EBF2: variants seen among roughly 807,000 people sequenced by gnomAD.
EBF2 encodes the protein transcription factor COE2.
In EBF2, 21 loss-of-function variants were observed where a neutral mutation model predicts 72.8. That is an observed-to-expected ratio of 0.29 (90% confidence interval 0.20 to 0.42). EBF2 has a LOEUF of 0.42. EBF2 is among the 10% of genes least tolerant of loss of function. EBF2 has a pLI of 1.00. For synonymous variants in EBF2, 299 were observed against 274.2 expected, an observed-to-expected ratio of 1.09 and a Z score of -0.89; for missense variants, 637 against 731.2, an observed-to-expected ratio of 0.87 and a Z score of 1.49.
intron 8 of EBF2, among the ~76,000 whole-genome samples, chr8:25,888,871 T>A (rs1202438068): frequency 6.6e-6 from 1 of 152,132 alleles, no homozygotes; most frequent in Non-Finnish European, 1.5e-5. Context: ...TCACATCCAA[T>A]CAGTCAAAAG....
intron 6 of EBF2, among the ~76,000 whole-genome samples, chr8:25,981,840 T>G (rs186481546): frequency 7.3e-5 from 11 of 151,220 alleles, no homozygotes; most frequent in African/African-American, 2.4e-4. Context: ...AGCAAAACAG[T>G]ATATGGAATA....
At position 26,030,887 on chromosome 8, in the gene EBF2, T is replaced by C. The variant is rs143396969; in HGVS notation, c.551+2198A>G. 3.3e-4 allele frequency among the ~76,000 whole-genome samples: 51 copies of C among 152,362 alleles called. 1 individual carries two copies. The highest frequency in any genetic ancestry group is 1.6e-3 in the Admixed American group (25 of 15,310). ...GCACAAACTATGAAGGCGCCTAATA[T>C]GAAAATCTTTTCTTTCTATAGACAC... On this transcript the variant is annotated intron_variant, in intron 6 of 15. Coordinates refer to ENST00000520164, the MANE Select transcript of EBF2 (RefSeq NM_022659.4).
chr8:25,879,403 C>G (rs2117282002), intron 10 of EBF2, among the ~76,000 whole-genome samples: 1 of 152,312 alleles, frequency 6.6e-6, no homozygotes, highest in South Asian at 2.1e-4. Context: ...CCTAGGCAGA[C>G]ATTTCTAGAA....
chr8:26,012,814 C>G (rs138124455), intron 6 of EBF2, among the ~76,000 whole-genome samples: 1 of 152,200 alleles, frequency 6.6e-6, no homozygotes, highest in Non-Finnish European at 1.5e-5. Flanking sequence ...AGCCCCATAC[C>G]GTTGACCTTT....
chr8:25,997,119 C>T (rs1186669375), intron 6 of EBF2, among the ~76,000 whole-genome samples: 1 of 152,150 alleles, frequency 6.6e-6, no homozygotes, highest in Non-Finnish European at 1.5e-5. Flanking sequence ...TGGAGCAGAA[C>T]TTGCAGGTGG....
intron 7 of EBF2, among the ~76,000 whole-genome samples, chr8:25,896,032 G>A (rs1585185908): frequency 1.3e-5 from 2 of 152,040 alleles, no homozygotes; most frequent in Non-Finnish European, 1.5e-5. Context: ...GGCCAGTTGG[G>A]CCCTACTCCC....
At chr8:25,990,940 G>T (rs1308629477) in intron 6 of EBF2, among the ~76,000 whole-genome samples, 2 of 152,160 alleles carry the variant, frequency 1.3e-5, no homozygotes, top group Non-Finnish European at 2.9e-5. Context: ...AATTAAAATG[G>T]TAAAATAAAC....
At chr8:25,943,154 C>T (rs76125909) in intron 6 of EBF2, among the ~76,000 whole-genome samples, 3,099 of 151,900 alleles carry the variant, frequency 0.02, 115 homozygotes, top group African/African-American at 0.07. Context: ...ACTTCAGAGG[C>T]CACCTAGTTG....
intron 6 of EBF2, among the ~76,000 whole-genome samples, chr8:25,917,219 C>T (rs866832954): frequency 6.7e-5 from 10 of 150,100 alleles, no homozygotes; most frequent in African/African-American, 1.5e-4. Flanking sequence ...TTTTTATCCC[C>T]CCTTCTATAT....
intron 6 of EBF2, among the ~76,000 whole-genome samples, chr8:25,953,501 C>T (rs1803895899): frequency 6.6e-6 from 1 of 152,204 alleles, no homozygotes; most frequent in South Asian, 2.1e-4. Context: ...TTCTGCTTTG[C>T]CTCCCAGAAT....
intron 8 of EBF2, 46 bp downstream of exon 8, chr8:25,889,706 G>T (rs373255165): frequency 1.4e-6 from 2 of 1,436,268 alleles, no homozygotes; most frequent in African/African-American, 1.4e-5. Context: ...AAGGAAATTC[G>T]TGGAGAATTT....
intron 6 of EBF2, among the ~76,000 whole-genome samples, chr8:25,925,215 T>G (rs942347398): frequency 1.1e-4 from 17 of 152,156 alleles, no homozygotes; most frequent in Non-Finnish European, 1.8e-4. Flanking sequence ...TCTGACATCT[T>G]TTCCCTTGTA....
At chr8:25,906,567 G>T (rs927687963) in intron 7 of EBF2, among the ~76,000 whole-genome samples, 11 of 152,110 alleles carry the variant, frequency 7.2e-5, no homozygotes, top group Non-Finnish European at 1.5e-4. Flanking sequence ...TGGAGTTTCA[G>T]ACCAGCCTGG....
At position 26,005,532 on chromosome 8, in the gene EBF2, T is replaced by TATAAAATATA. The variant is rs1554480962; in HGVS notation, c.551+27552_551+27553insTATATTTTAT. Among the ~76,000 whole-genome samples the TATAAAATATA allele has an allele frequency of 7.2e-3, 466 of 64,558 alleles. 2 individuals carry two copies. Among genetic ancestry groups the TATAAAATATA allele is most frequent in the Admixed American group, 0.011 (39 of 3,436 alleles). The allele number at this position is 64,558 out of a possible 152,430, so 42.4% of individuals were successfully genotyped here. On this transcript the variant is annotated intron_variant, in intron 6 of 15. Coordinates refer to ENST00000520164, the MANE Select transcript of EBF2 (RefSeq NM_022659.4). Reference sequence around the variant, plus strand: ...ATATATTATAAAATATATTATATATTATATATATTTTATATATATATATAT... The same window carrying TATAAAATATA: ...ATATATTATAAAATATATTATATATTATAAAATATAATATATATTTTATATATATATATAT...
intron 13 of EBF2, among the ~76,000 whole-genome samples, chr8:25,860,587 C>G (rs1308186951): frequency 6.6e-6 from 1 of 151,546 alleles, no homozygotes; most frequent in Non-Finnish European, 1.5e-5. Flanking sequence ...AGTGTGCCAG[C>G]GCACCCCACT....
chr8:25,921,848 C>T (rs1190163215), intron 6 of EBF2, among the ~76,000 whole-genome samples: 2 of 152,184 alleles, frequency 1.3e-5, no homozygotes, highest in Non-Finnish European at 1.5e-5. Flanking sequence ...AGAACCAGAG[C>T]TTACACCAGA....
At chr8:25,994,042 T>C (rs1378735592) in intron 6 of EBF2, among the ~76,000 whole-genome samples, 1 of 151,992 alleles carries the variant, frequency 6.6e-6, no homozygotes, top group African/African-American at 2.4e-5. Flanking sequence ...GACAAGATTA[T>C]TAAAGATGCA....
At chr8:25,922,250 T>TA (rs56689931) in intron 6 of EBF2, among the ~76,000 whole-genome samples, 136 of 148,152 alleles carry the variant, frequency 9.2e-4, no homozygotes, top group African/African-American at 1.8e-3. Flanking sequence ...TGTTTTTGCT[T>TA]AAAAAAAAAA....
chr8:26,038,874 CAG>C (rs1805551532), intron 5 of EBF2, among the ~76,000 whole-genome samples: 1 of 152,200 alleles, frequency 6.6e-6, no homozygotes, highest in African/African-American at 2.4e-5. Context: ...GGGAGGGAGA[CAG>C]GGCTTCAGGG....
Sources: gnomAD v4.1 joint callset for allele counts (sites outside exome capture counted in the v4.1 genomes callset) on GRCh38, gnomAD v4.1.1 for gene constraint, MANE v1.5 for transcripts, NCBI Gene and HGNC (gene_info 2026-07-23, HGNC 2026-07-21) for gene names.